C11orf71: variants seen among roughly 807,000 people sequenced by gnomAD.
C11orf71 encodes the protein uncharacterized protein C11orf71.
For missense variants in C11orf71, 179 were observed against 167.6 expected (o/e 1.07, Z -0.38); for synonymous variants, 72 against 73.4 (o/e 0.98, Z 0.09).
At chr11:114,393,501 A>AT (rs1946088653) in intron 1 of C11orf71, among the ~76,000 whole-genome samples, 4 of 152,242 alleles carry the variant, frequency 2.6e-5, no homozygotes, top group African/African-American at 9.6e-5. Context: ...CCAATGATGA[A>AT]TATGTTCAAT....
rs368960261 is a variant in C11orf71 at position 114,400,133 on chromosome 11, G to C, written c.199C>G (p.Arg67Gly). The change falls in exon 1 of 1, where the codon CGA becomes GGA. Residue 67 changes from arginine to glycine, a missense_variant. Coordinates refer to ENST00000623205, the MANE Select transcript of C11orf71 (RefSeq NM_001271562.2). ...GGGCTCCGGCCGCCACCATCCACTCGACGGCTCTCGGCCCGAACGCTTGGT... is the reference window on the plus strand; with the variant it reads ...GGGCTCCGGCCGCCACCATCCACTCCACGGCTCTCGGCCCGAACGCTTGGT... ...VRPSVRAESR[R>G]VDGGGRSPRE... 13 of 1,613,720 alleles carry C rather than the reference G, an allele frequency of 8.1e-6. No homozygotes were observed. Among genetic ancestry groups the C allele is most frequent in the Non-Finnish European group, 1.1e-5 (13 of 1,179,888 alleles).
Position 114,400,306 on chromosome 11 carries a change from G to A in C11orf71, c.26C>T (p.Ser9Phe), listed in dbSNP as rs761769384. 11 of 1,609,298 alleles carry A rather than the reference G, an allele frequency of 6.8e-6. No individual in the cohort carries two copies. Among genetic ancestry groups the A allele is most frequent in the Non-Finnish European group, 9.3e-6 (11 of 1,177,982 alleles). Residue 9 changes from serine (S) to phenylalanine (F), a missense_variant, in exon 1 of 1, where the codon TCC becomes TTC. Ser to Phe is a radical substitution (Grantham distance 155). Coordinates refer to ENST00000623205, the MANE Select transcript of C11orf71 (RefSeq NM_001271562.2). ...CACCCTGCTCCTCTGATCACCGGAG[G>A]ACAGGGACACATTGTTCAGGGCCAT... The part of the protein sequence containing the change: MALNNVSL[S>F]SGDQRSRVAY...
chr11:114,391,874 T>C (rs1946075248), intron 1 of C11orf71, among the ~76,000 whole-genome samples: 1 of 151,466 alleles, frequency 6.6e-6, no homozygotes, highest in Non-Finnish European at 1.5e-5. Flanking sequence ...ATATTACACT[T>C]AGGGATACAT....
chr11:114,391,741 G>A, intron 1 of C11orf71: 2 of 578,908 alleles, frequency 3.5e-6, no homozygotes, highest in Non-Finnish European at 3.0e-6. Context: ...CAGCAAAAGG[G>A]ATTCAAATTT....
rs1946144917 is a variant in C11orf71, at chr11:114,398,565, T to C, written c.*1395A>G. 2.0e-5 allele frequency: 3 copies of C among 152,218 alleles called. No individual in the cohort carries two copies. In the South Asian group the frequency reaches 6.2e-4, roughly 31 times the overall value. 9.4% of individuals were successfully genotyped at this position (152,218 alleles called of 1,614,324 possible). A position where few individuals can be genotyped will look rare whatever the true frequency, so the allele number is the denominator to read the frequency against. On this transcript the variant is annotated 3_prime_UTR_variant, in exon 1 of 1. Transcript: ENST00000623205. Reference sequence around the variant, plus strand: ...TGTTCACCACTTTATTCTAAGTGCTTACCGCAGGCAGTAGCAGGTACAGAG... The same window carrying C: ...TGTTCACCACTTTATTCTAAGTGCTCACCGCAGGCAGTAGCAGGTACAGAG...
intron 1 of C11orf71, among the ~76,000 whole-genome samples, chr11:114,392,967 T>C (rs920437236): frequency 6.6e-6 from 1 of 152,232 alleles, no homozygotes; most frequent in Non-Finnish European, 1.5e-5. Flanking sequence ...TCTAGCCCTC[T>C]GCTAGTTTTG....
Position 114,400,357 on chromosome 11 carries a change from C to G in C11orf71, c.-26G>C. 2 of 1,572,692 alleles carry G rather than the reference C, an allele frequency of 1.3e-6. No homozygotes were observed. The highest frequency in any genetic ancestry group is 1.7e-6 in the Non-Finnish European group (2 of 1,158,564). The stretch of plus-strand genomic sequence containing the variant: ...ATTCAAACACTGCCCGCAGTACTTG[C>G]GTTACGTCCCTTTGTGAAGGCAGGC... On this transcript the variant is annotated 5_prime_UTR_variant, in exon 1 of 1. Coordinates refer to ENST00000623205, the MANE Select transcript of C11orf71 (RefSeq NM_001271562.2).
downstream of C11orf71, among the ~76,000 whole-genome samples, chr11:114,394,236 T>TC (rs1946103851): frequency 1.9e-5 from 1 of 52,642 alleles, no homozygotes. Flanking sequence ...TTCTTTCTTT[T>TC]CTTTTCTTTT....
At chr11:114,394,227 T>TCTTTTC (rs1565256490), downstream of C11orf71, among the ~76,000 whole-genome samples, 38 of 42,326 alleles carry the variant, frequency 9.0e-4, 1 homozygote, top group Non-Finnish European at 1.4e-3. Flanking sequence ...TCTTTTCTTT[T>TCTTTTC]CTTTCTTTTC....
At position 114,398,548 on chromosome 11, in the gene C11orf71, A is replaced by G. The variant is rs1036112634; in HGVS notation, c.*1412T>C. The G allele has an allele frequency of 1.4e-4, 22 of 152,298 alleles. No homozygotes were observed. The highest frequency in any genetic ancestry group is 5.3e-4 in the African/African-American group (22 of 41,566). The allele number at this position is 152,298 out of a possible 1,614,324, so 9.4% of individuals were successfully genotyped here. A position where few individuals can be genotyped will look rare whatever the true frequency, so the allele number is the denominator to read the frequency against. On this transcript the variant is annotated 3_prime_UTR_variant, in exon 1 of 1. Coordinates refer to ENST00000623205, the MANE Select transcript of C11orf71 (RefSeq NM_001271562.2). ...AACACATACTTTTATCATGTTCACC[A>G]CTTTATTCTAAGTGCTTACCGCAGG...
downstream of C11orf71, among the ~76,000 whole-genome samples, chr11:114,394,179 G>GTTTCTTTTCT (rs1226365240): frequency 7.0e-3 from 561 of 80,218 alleles, 20 homozygotes; most frequent in Middle Eastern, 0.021. Context: ...ACGGGGTTTC[G>GTTTCTTTTCT]TTTCTTTTCT....
downstream of C11orf71, among the ~76,000 whole-genome samples, chr11:114,397,295 C>G (rs1296888308): frequency 6.6e-6 from 1 of 152,106 alleles, no homozygotes; most frequent in Non-Finnish European, 1.5e-5. Flanking sequence ...TCATTTTGTG[C>G]ACTAATATAT....
At position 114,400,327 on chromosome 11, in the gene C11orf71, G is replaced by A. The variant is rs754636336; in HGVS notation, c.5C>T (p.Ala2Val). 2 of 1,602,918 alleles carry A rather than the reference G, an allele frequency of 1.2e-6. No individual in the cohort carries two copies. The highest frequency in any genetic ancestry group is 1.7e-6 in the Non-Finnish European group (2 of 1,174,892). Reference protein sequence around the residue: MALNNVSLSSGD... With the variant: MVLNNVSLSSGD... Reference sequence around the variant, plus strand: ...GGAGGACAGGGACACATTGTTCAGGGCCATATTCAAACACTGCCCGCAGTA... The same window carrying A: ...GGAGGACAGGGACACATTGTTCAGGACCATATTCAAACACTGCCCGCAGTA... The change falls in exon 1 of 1, where the codon GCC becomes GTC. Residue 2 changes from alanine to valine, a missense_variant. Transcript: ENST00000623205.
At chr11:114,392,437 C>T (rs1946079675) in intron 1 of C11orf71, among the ~76,000 whole-genome samples, 1 of 141,894 alleles carries the variant, frequency 7.0e-6, no homozygotes, top group African/African-American at 2.6e-5. Context: ...ACTGAGGAGG[C>T]TGAGGCAGGA....
At chr11:114,396,805 T>C (rs1946134481), downstream of C11orf71, among the ~76,000 whole-genome samples, 1 of 152,338 alleles carries the variant, frequency 6.6e-6, no homozygotes, top group South Asian at 2.1e-4. Context: ...ATGAAAGACA[T>C]ACAATTAATT....
In C11orf71 at chr11:114,400,432, A is replaced by C. The variant is rs1237432219; in HGVS notation, c.-101T>G. ...CAGCCTGTGTCGGACCCGATGACTA[A>C]GCACACAGGAACCCATAACTGAGCC... is the stretch of plus-strand genomic sequence containing the variant. On this transcript the variant is annotated 5_prime_UTR_variant, in exon 1 of 1. Coordinates refer to ENST00000623205, the MANE Select transcript of C11orf71 (RefSeq NM_001271562.2). 5 of 1,419,546 alleles carry C rather than the reference A, an allele frequency of 3.5e-6. No homozygotes were observed. Among genetic ancestry groups the C allele is most frequent in the African/African-American group, 2.9e-5 (2 of 69,382 alleles). 87.9% of individuals were successfully genotyped at this position (1,419,546 alleles called of 1,614,324 possible). A position where few individuals can be genotyped will look rare whatever the true frequency, so the allele number is the denominator to read the frequency against.
At chr11:114,392,338 G>A (rs1591191627) in intron 1 of C11orf71, among the ~76,000 whole-genome samples, 2 of 152,010 alleles carry the variant, frequency 1.3e-5, no homozygotes, top group South Asian at 4.2e-4. Flanking sequence ...AGGACTTCGA[G>A]ACCAGTCTGG....
chr11:114,394,344 G>A (rs548652876), downstream of C11orf71, among the ~76,000 whole-genome samples: 1 of 147,866 alleles, frequency 6.8e-6, no homozygotes, highest in Non-Finnish European at 1.5e-5. Context: ...GCCCAGGCTG[G>A]AGTGCAGTGG....
At chr11:114,393,308 A>G (rs1384161693) in intron 1 of C11orf71, among the ~76,000 whole-genome samples, 1 of 152,244 alleles carries the variant, frequency 6.6e-6, no homozygotes, top group African/African-American at 2.4e-5. Flanking sequence ...CTCAAGGTAG[A>G]GTTCTAACAG....
Sources: gnomAD v4.1 joint callset for allele counts (sites outside exome capture counted in the v4.1 genomes callset) on GRCh38, gnomAD v4.1.1 for gene constraint, MANE v1.5 for transcripts, NCBI Gene and HGNC (gene_info 2026-07-23, HGNC 2026-07-21) for gene names.